Variants in LRRC4C observed in about 807,000 individuals in gnomAD.
The protein encoded by LRRC4C is leucine rich repeat containing 4C.
LRRC4C carries 5 observed loss-of-function variants against 33.6 expected under a neutral mutation model. That is an observed-to-expected ratio of 0.15 (90% CI 0.08 to 0.31). The LOEUF is 0.31. LRRC4C is among the 10% of genes least tolerant of loss of function. LRRC4C has a pLI of 1.00. For missense variants in LRRC4C, 560 were observed against 796.7 expected, an observed-to-expected ratio of 0.70 and a Z score of 3.58; for synonymous variants, 329 against 302.0, an observed-to-expected ratio of 1.09 and a Z score of -0.93.
At chr11:41,117,368 A>G (rs148026232) in intron 1 of LRRC4C, among the ~76,000 whole-genome samples, 1 of 152,322 alleles carries the variant, frequency 6.6e-6, no homozygotes, top group East Asian at 1.9e-4. Flanking sequence ...GTATCAACAT[A>G]ACAAAATACT....
At chr11:40,433,088 C>T (rs1950999747) in intron 3 of LRRC4C, among the ~76,000 whole-genome samples, 1 of 152,104 alleles carries the variant, frequency 6.6e-6, no homozygotes, top group African/African-American at 2.4e-5. Context: ...CACACTTACA[C>T]ACAGCAGACA....
chr11:40,835,140 C>A (rs1952613151), intron 2 of LRRC4C, among the ~76,000 whole-genome samples: 1 of 152,212 alleles, frequency 6.6e-6, no homozygotes, highest in East Asian at 1.9e-4. Context: ...TTAGCTCAAC[C>A]ACCATCCTGA....
At chr11:41,162,590 C>T (rs965789542) in intron 1 of LRRC4C, among the ~76,000 whole-genome samples, 8 of 152,058 alleles carry the variant, frequency 5.3e-5, no homozygotes, top group Non-Finnish European at 1.5e-5. Flanking sequence ...CAAACCTGTA[C>T]GGTATGTTAT....
At chr11:40,183,980 C>G (rs1490442210) in intron 5 of LRRC4C, among the ~76,000 whole-genome samples, 1 of 152,152 alleles carries the variant, frequency 6.6e-6, no homozygotes, top group Non-Finnish European at 1.5e-5. Context: ...GAAGACAGAG[C>G]TTAGAGTTAA....
intron 2 of LRRC4C, among the ~76,000 whole-genome samples, chr11:40,661,224 T>G (rs182990830): frequency 1.8e-3 from 281 of 152,306 alleles, no homozygotes; most frequent in Middle Eastern, 3.4e-3. Flanking sequence ...TCCTGCTTTC[T>G]TTTCACTCTT....
Position 40,116,132 on chromosome 11 carries a change from C to T in LRRC4C, c.161G>A (p.Ser54Asn). 1 of 1,614,006 alleles carries T rather than the reference C, an allele frequency of 6.2e-7. No homozygotes were observed. ...AQTCPSVCSC[S>N]NQFSKVICVR... ...ACAAATCACCTTGCTGAACTGGTTG[C>T]TGCAGGAGCACACAGAAGGGCAGGT... is the stretch of plus-strand genomic sequence containing the variant. Residue 54 changes from serine to asparagine, a missense_variant, in exon 7 of 7, where the codon AGC becomes AAC. Transcript: ENST00000528697.
intron 2 of LRRC4C, among the ~76,000 whole-genome samples, chr11:40,834,817 G>A (rs182124261): frequency 1.9e-4 from 29 of 151,644 alleles, no homozygotes; most frequent in Admixed American, 4.6e-4. Flanking sequence ...GCCACATCTC[G>A]GGTATTGTGA....
At chr11:40,520,048 G>A (rs994208517) in intron 3 of LRRC4C, among the ~76,000 whole-genome samples, 1 of 152,182 alleles carries the variant, frequency 6.6e-6, no homozygotes, top group African/African-American at 2.4e-5. Flanking sequence ...AGAGACTGAT[G>A]CACTGGCAAC....
intron 5 of LRRC4C, among the ~76,000 whole-genome samples, chr11:40,177,815 C>G (rs915407218): frequency 3.9e-5 from 6 of 152,118 alleles, no homozygotes; most frequent in Admixed American, 1.3e-4. Context: ...CCTCACTTAA[C>G]AAGAACAGAT....
chr11:41,440,094 G>A (rs1283663488), intron 1 of LRRC4C, among the ~76,000 whole-genome samples: 1 of 151,682 alleles, frequency 6.6e-6, no homozygotes, highest in South Asian at 2.1e-4. Flanking sequence ...TTGTTTGTTT[G>A]TTTGTTTGTT....
chr11:40,897,509 A>T (rs1955998434), intron 2 of LRRC4C, among the ~76,000 whole-genome samples: 1 of 152,188 alleles, frequency 6.6e-6, no homozygotes, highest in South Asian at 2.1e-4. Context: ...GACCCAATCT[A>T]CCACTGTAGG....
At chr11:40,165,463 C>A (rs1859512776) in intron 5 of LRRC4C, among the ~76,000 whole-genome samples, 1 of 152,152 alleles carries the variant, frequency 6.6e-6, no homozygotes, top group Admixed American at 6.5e-5. Flanking sequence ...TTATCCTCTT[C>A]AAAGGCTTTT....
At chr11:41,153,647 G>A (rs936600939) in intron 1 of LRRC4C, among the ~76,000 whole-genome samples, 5 of 152,092 alleles carry the variant, frequency 3.3e-5, no homozygotes, top group Non-Finnish European at 5.9e-5. Flanking sequence ...GGTATCTTGT[G>A]GCACTATTTT....
chr11:40,912,018 C>T (rs1956721478), intron 2 of LRRC4C, among the ~76,000 whole-genome samples: 1 of 152,140 alleles, frequency 6.6e-6, no homozygotes, highest in Non-Finnish European at 1.5e-5. Context: ...AAGAAATGAA[C>T]AAACCCTCCA....
chr11:40,749,986 G>A (rs1011533651), intron 2 of LRRC4C, among the ~76,000 whole-genome samples: 2 of 152,086 alleles, frequency 1.3e-5, no homozygotes, highest in African/African-American at 4.8e-5. Context: ...CATTGAATCA[G>A]TGAGAAAAAG....
At chr11:40,807,838 T>C (rs1951319164) in intron 2 of LRRC4C, among the ~76,000 whole-genome samples, 1 of 152,212 alleles carries the variant, frequency 6.6e-6, no homozygotes, top group African/African-American at 2.4e-5. Context: ...GATATTATAT[T>C]GCTGGATACC....
At chr11:41,182,116 T>G (rs906870865) in intron 1 of LRRC4C, among the ~76,000 whole-genome samples, 3 of 152,216 alleles carry the variant, frequency 2.0e-5, no homozygotes, top group African/African-American at 7.2e-5. Context: ...ATGTTGGAAA[T>G]ACTTTTTTAA....
At chr11:41,292,317 G>A (rs1211284661) in intron 1 of LRRC4C, among the ~76,000 whole-genome samples, 1 of 151,914 alleles carries the variant, frequency 6.6e-6, no homozygotes, top group Non-Finnish European at 1.5e-5. Context: ...TCTCAATAAG[G>A]ACTACTCTGC....
intron 2 of LRRC4C, among the ~76,000 whole-genome samples, chr11:40,878,055 T>C (rs1954993494): frequency 6.6e-6 from 1 of 152,190 alleles, no homozygotes; most frequent in South Asian, 2.1e-4. Context: ...CAGTGATGTC[T>C]GTTTTTTAAT....
Sources: gnomAD v4.1 joint callset for allele counts (sites outside exome capture counted in the v4.1 genomes callset) on GRCh38, gnomAD v4.1.1 for gene constraint, MANE v1.5 for transcripts, NCBI Gene and HGNC (gene_info 2026-07-23, HGNC 2026-07-21) for gene names.